CYP2C18: variants seen among roughly 807,000 people sequenced by gnomAD.
CYP2C18 encodes cytochrome P450 2C18.
CYP2C18 carries 38 observed loss-of-function variants against 41.3 expected under a neutral mutation model. The observed-to-expected ratio is 0.92, with a 90% CI of 0.71 to 1.21. The LOEUF (loss-of-function observed/expected upper bound fraction) is 1.21, where lower values mean the gene tolerates loss of function less well. Among genes scored for constraint, CYP2C18 ranks in the 50% most tolerant of loss-of-function variants. The probability of loss-of-function intolerance (pLI) is 0.00; values close to 1 mark genes in which losing one functional copy is unlikely to be tolerated. For missense variants in CYP2C18, 635 were observed against 591.4 expected (o/e 1.07, Z -0.77); for synonymous variants, 236 against 210.0 (o/e 1.12, Z -1.07).
intron 5 of CYP2C18, among the ~76,000 whole-genome samples, chr10:94,710,410 T>A (rs1203388527): frequency 6.6e-6 from 1 of 152,250 alleles, no homozygotes; most frequent in Non-Finnish European, 1.5e-5. Flanking sequence ...TCCATTTCTA[T>A]TAAAAAGGTA....
intron 3 of CYP2C18, among the ~76,000 whole-genome samples, chr10:94,691,788 A>G (rs1313732309): frequency 6.6e-6 from 1 of 152,254 alleles, no homozygotes. Flanking sequence ...ACAAGGCTAC[A>G]GTAACCAAAA....
At chr10:94,725,623 A>G (rs1048433693) in intron 7 of CYP2C18, among the ~76,000 whole-genome samples, 1 of 152,116 alleles carries the variant, frequency 6.6e-6, no homozygotes, top group African/African-American at 2.4e-5. Flanking sequence ...AAAAAATCAG[A>G]TTAGAGAAGG....
intron 7 of CYP2C18, among the ~76,000 whole-genome samples, chr10:94,731,847 C>G (rs1847838314): frequency 6.6e-6 from 1 of 152,068 alleles, no homozygotes; most frequent in Non-Finnish European, 1.5e-5. Flanking sequence ...TGTAAGACAT[C>G]AAACTATAAG....
At chr10:94,730,843 A>G (rs1049465321) in intron 7 of CYP2C18, among the ~76,000 whole-genome samples, 3 of 152,196 alleles carry the variant, frequency 2.0e-5, no homozygotes, top group African/African-American at 4.8e-5. Flanking sequence ...AGGATACAAA[A>G]TAAATGCACA....
rs563210329 is a variant in CYP2C18, at chr10:94,713,598, G to T, written c.819+6638G>T. ...TCTATCACTGATGGACATTTGGGTTGGTTCCAAGTCTTTGTTATTGTGAAT... is the reference window on the plus strand; with the variant it reads ...TCTATCACTGATGGACATTTGGGTTTGTTCCAAGTCTTTGTTATTGTGAAT... On this transcript the variant is annotated intron_variant, in intron 5 of 8. Transcript: ENST00000285979. Among the ~76,000 whole-genome samples, 4 of 152,248 alleles carry T rather than the reference G, an allele frequency of 2.6e-5. No homozygotes were observed. In the South Asian group the frequency reaches 8.3e-4, roughly 32 times the overall value.
Position 94,687,802 on chromosome 10 carries a change from G to A in CYP2C18, c.201G>A (p.Val67=). ...AAGTCTATGGCCCTGTGTTCACTGT[G>A]TATTTTGGCCTGAAGCCCATTGTGG... is the stretch of plus-strand genomic sequence containing the variant. The part of the protein sequence containing the change: ...FSKVYGPVFT[V]YFGLKPIVVL... Residue 67 remains valine, a synonymous_variant, in exon 2 of 9, where the codon GTG becomes GTA. Coordinates refer to ENST00000285979, the MANE Select transcript of CYP2C18 (RefSeq NM_000772.3). 1 of 1,613,672 alleles carries A rather than the reference G, an allele frequency of 6.2e-7. No homozygotes were observed. Among genetic ancestry groups the A allele is most frequent in the African/African-American group, 1.3e-5 (1 of 75,002 alleles).
At position 94,683,934 on chromosome 10, in the gene CYP2C18, A is replaced by G; in HGVS notation, c.115A>G (p.Ile39Val). Residue 39 changes from isoleucine to valine, a missense_variant, in exon 1 of 9, where the codon ATT becomes GTT. Ile to Val is a conservative substitution (Grantham distance 29, BLOSUM62 3). Coordinates refer to ENST00000285979, the MANE Select transcript of CYP2C18 (RefSeq NM_000772.3). ...GTCTGGCCCCACTCCTCTCCCGATT[A>G]TTGGAAATATCCTGCAGTTAGATGT... is the stretch of plus-strand genomic sequence containing the variant. ...LPSGPTPLPI[I>V]GNILQLDVKD... is the part of the protein sequence containing the mutation. 1.2e-6 allele frequency: 2 copies of G among 1,610,698 alleles called. No individual in the cohort carries two copies. Among genetic ancestry groups the G allele is most frequent in the South Asian group, 2.2e-5 (2 of 90,030 alleles).
At chr10:94,688,394 C>T (rs765383801) in intron 3 of CYP2C18, 120 bp downstream of exon 3, 8 of 1,194,934 alleles carry the variant, frequency 6.7e-6, no homozygotes, top group Non-Finnish European at 9.2e-6. Context: ...GTTACATGCA[C>T]AGAATGTGTA....
chr10:94,696,884 T>C lies in CYP2C18; in HGVS notation c.642+1807T>C, dbSNP rs1357985872. ...CAACTGGAAGAAAGGGTATCAGTGG[T>C]GGAAGATCAAATTAATGAAATGAAG... On this transcript the variant is annotated intron_variant, in intron 4 of 8. Transcript: ENST00000285979. 2.6e-5 allele frequency among the ~76,000 whole-genome samples: 4 copies of C among 151,860 alleles called. No individual in the cohort carries two copies. The East Asian group carries it at 7.7e-4, about 29-fold the overall frequency.
At chr10:94,687,638 C>T in intron 1 of CYP2C18, 132 bp from the exon 2 acceptor site, 1 of 891,422 alleles carries the variant, frequency 1.1e-6, no homozygotes, top group East Asian at 2.5e-5. Context: ...CTAAAATATA[C>T]AAATATTTGA....
chr10:94,728,304 C>T (rs1847775764), intron 7 of CYP2C18, among the ~76,000 whole-genome samples: 1 of 152,072 alleles, frequency 6.6e-6, no homozygotes, highest in Non-Finnish European at 1.5e-5. Context: ...CGTGCCATTG[C>T]ATCATATGTG....
intron 4 of CYP2C18, among the ~76,000 whole-genome samples, chr10:94,699,681 A>T (rs1377986902): frequency 2.0e-5 from 3 of 152,178 alleles, no homozygotes; most frequent in African/African-American, 4.8e-5. Flanking sequence ...AGGAGGAAGT[A>T]AAATTTTCCC....
At chr10:94,688,295 C>T (rs748969976) in intron 3 of CYP2C18, 21 bp downstream of exon 3, 1 of 1,578,282 alleles carries the variant, frequency 6.3e-7, no homozygotes, top group Non-Finnish European at 8.6e-7. Context: ...TTTTTTTTTC[C>T]TGAAAAATGT....
chr10:94,719,220 A>G (rs931647933), intron 5 of CYP2C18, among the ~76,000 whole-genome samples: 1 of 152,034 alleles, frequency 6.6e-6, no homozygotes, highest in African/African-American at 2.4e-5. Context: ...ATTTCTATCA[A>G]TTAAGATTGT....
At chr10:94,732,318 A>G (rs1847847783) in intron 7 of CYP2C18, among the ~76,000 whole-genome samples, 1 of 152,116 alleles carries the variant, frequency 6.6e-6, no homozygotes, top group Admixed American at 6.5e-5. Context: ...AAGTCAAAAA[A>G]CAATGCATGA....
intron 5 of CYP2C18, among the ~76,000 whole-genome samples, chr10:94,717,688 T>G (rs1053469724): frequency 3.9e-5 from 6 of 152,090 alleles, no homozygotes; most frequent in African/African-American, 1.4e-4. Context: ...GGATATCCAG[T>G]TTTCTCACCA....
At chr10:94,697,101 C>A (rs1847132256) in intron 4 of CYP2C18, among the ~76,000 whole-genome samples, 1 of 152,102 alleles carries the variant, frequency 6.6e-6, no homozygotes, top group African/African-American at 2.4e-5. Context: ...CAAGGCAGGC[C>A]AATATTCAAA....
Position 94,694,997 on chromosome 10 carries a change from G to T in CYP2C18, c.562G>T (p.Asp188Tyr). Residue 188 changes from aspartate (D) to tyrosine (Y), a missense_variant, in exon 4 of 9, where the codon GAT (aspartate) becomes TAT (tyrosine). Coordinates refer to ENST00000285979, the MANE Select transcript of CYP2C18 (RefSeq NM_000772.3). ...CTCTGTTATTTTCCATGATCGATTT[G>T]ATTATAAAGATCAGAGGTTTCTTAA... ...ICSVIFHDRF[D>Y]YKDQRFLNLM... 4 of 1,613,184 alleles carry T rather than the reference G, an allele frequency of 2.5e-6. No homozygotes were observed. Among genetic ancestry groups the T allele is most frequent in the Non-Finnish European group, 3.4e-6 (4 of 1,179,830 alleles).
intron 7 of CYP2C18, among the ~76,000 whole-genome samples, chr10:94,732,775 G>A (rs1304732869): frequency 6.6e-6 from 1 of 151,926 alleles, no homozygotes; most frequent in Admixed American, 6.6e-5. Context: ...ACATAAAGAT[G>A]GCAACAATAG....
Sources: allele counts gnomAD v4.1 joint callset (sites outside exome capture counted in the v4.1 genomes callset), GRCh38; gene constraint gnomAD v4.1.1; transcripts MANE v1.5; gene names NCBI Gene and HGNC (gene_info 2026-07-23, HGNC 2026-07-21).